The following DPP10 variants were observed in gnomAD, a reference collection of about 807,000 sequenced individuals.
The protein encoded by DPP10 is inactive dipeptidyl peptidase 10.
In DPP10, 33 loss-of-function variants were observed where a neutral mutation model predicts 120.9. That is an observed-to-expected ratio of 0.27 (90% CI 0.21 to 0.37). The LOEUF (loss-of-function observed/expected upper bound fraction) is 0.37, where lower values mean the gene tolerates loss of function less well. Ranked by LOEUF, DPP10 falls within the 10% of genes least tolerant of loss-of-function variation. The pLI is 1.00. For missense variants in DPP10, 816 were observed against 942.8 expected, an observed-to-expected ratio of 0.87 and a Z score of 1.76; for synonymous variants, 337 against 326.1, an observed-to-expected ratio of 1.03 and a Z score of -0.36.
intron 1 of DPP10, chr2:115,160,956 T>C (rs1007024215): frequency 6.6e-6 from 1 of 152,140 alleles, no homozygotes; most frequent in Non-Finnish European, 1.5e-5. Flanking sequence ...CTACTTTGAA[T>C]GGGAGAGGGT....
At chr2:115,071,965 A>C (rs1707403826) in intron 1 of DPP10, among the ~76,000 whole-genome samples, 1 of 152,218 alleles carries the variant, frequency 6.6e-6, no homozygotes, top group Non-Finnish European at 1.5e-5. Flanking sequence ...TGAGAACAGC[A>C]AAGAAGAATT....
In DPP10 at chr2:114,845,080, C is replaced by T. The variant is rs147077601; in HGVS notation, c.60+402242C>T. Among the ~76,000 whole-genome samples, 35 of 152,226 alleles carry T rather than the reference C, an allele frequency of 2.3e-4. No individual in the cohort carries two copies. The East Asian group carries it at 5.2e-3, about 23-fold the overall frequency. On this transcript the variant is annotated intron_variant, in intron 1 of 25. Transcript: ENST00000410059. ...CAAGTATGTATGATTCCAACGCTAGCGCCCTTTCCACTGTATCAGGCTGCG... is the reference window on the plus strand; with the variant it reads ...CAAGTATGTATGATTCCAACGCTAGTGCCCTTTCCACTGTATCAGGCTGCG...
At chr2:115,454,394 G>T (rs1287552075) in intron 3 of DPP10, among the ~76,000 whole-genome samples, 1 of 151,608 alleles carries the variant, frequency 6.6e-6, no homozygotes, top group East Asian at 1.9e-4. Flanking sequence ...CTGTGACCAT[G>T]TAGGATATAT....
At position 114,838,615 on chromosome 2, in the gene DPP10, A is replaced by T. The variant is rs188334255; in HGVS notation, c.60+395777A>T. On this transcript the variant is annotated intron_variant, in intron 1 of 25. Transcript: ENST00000410059. ...CCCCGCCCTAATTTTTAAATTTCAA[A>T]TTTTAAATTTTTAAATTTTAAAGTC... Among the ~76,000 whole-genome samples, 470 of 152,262 alleles carry T rather than the reference A, an allele frequency of 3.1e-3. 1 individual carries two copies. The highest frequency in any genetic ancestry group is 3.9e-3 in the Non-Finnish European group (263 of 68,028).
At chr2:114,998,552 G>A (rs1227395794) in intron 1 of DPP10, among the ~76,000 whole-genome samples, 2 of 152,154 alleles carry the variant, frequency 1.3e-5, no homozygotes, top group Non-Finnish European at 2.9e-5. Flanking sequence ...GAGAGGACTG[G>A]ACAGAAGTCT....
At chr2:115,405,402 G>A (rs2068432627) in intron 3 of DPP10, among the ~76,000 whole-genome samples, 1 of 152,174 alleles carries the variant, frequency 6.6e-6, no homozygotes, top group Non-Finnish European at 1.5e-5. Flanking sequence ...ACTTTGCTGG[G>A]TGTAGCCCGT....
At chr2:114,876,445 T>C (rs942597672) in intron 1 of DPP10, among the ~76,000 whole-genome samples, 1 of 152,106 alleles carries the variant, frequency 6.6e-6, no homozygotes, top group Non-Finnish European at 1.5e-5. Context: ...CTCTGTGAAT[T>C]CCAAAAGCTT....
At chr2:115,550,878 T>C (rs1290275344) in intron 5 of DPP10, among the ~76,000 whole-genome samples, 2 of 152,172 alleles carry the variant, frequency 1.3e-5, no homozygotes, top group Non-Finnish European at 2.9e-5. Context: ...AACTCCGTAG[T>C]AGTAATCTGG....
At chr2:115,814,642 A>T in intron 19 of DPP10, 151 bp from the exon 20 acceptor site, 3 of 526,136 alleles carry the variant, frequency 5.7e-6, no homozygotes, top group Non-Finnish European at 3.0e-6. Context: ...GAAAATTGTA[A>T]TTTTACCTTC....
chr2:115,561,417 C>T (rs1258595603), intron 5 of DPP10, among the ~76,000 whole-genome samples: 4 of 145,004 alleles, frequency 2.8e-5, no homozygotes, highest in Admixed American at 6.8e-5. Flanking sequence ...TGACCCATTG[C>T]GGTGTTATCA....
chr2:115,340,171 A>G (rs1412645785), intron 2 of DPP10, among the ~76,000 whole-genome samples: 1 of 152,218 alleles, frequency 6.6e-6, no homozygotes, highest in Admixed American at 6.6e-5. Flanking sequence ...GAAAAAAGTA[A>G]TATGTTTACA....
At chr2:115,159,321 G>T (rs917955428) in intron 1 of DPP10, among the ~76,000 whole-genome samples, 2 of 152,236 alleles carry the variant, frequency 1.3e-5, no homozygotes, top group South Asian at 2.1e-4. Flanking sequence ...AGCTTGGTGT[G>T]GTGGCGCGCG....
intron 1 of DPP10, among the ~76,000 whole-genome samples, chr2:115,139,747 AAAAAAAAT>A (rs1201624534): frequency 6.7e-6 from 1 of 149,838 alleles, no homozygotes; most frequent in African/African-American, 2.5e-5. Flanking sequence ...AAAAAAAAAA[AAAAAAAAT>A]TAAGATACTA....
chr2:115,675,095 C>T (rs2090158440), intron 5 of DPP10, among the ~76,000 whole-genome samples: 1 of 152,130 alleles, frequency 6.6e-6, no homozygotes, highest in Non-Finnish European at 1.5e-5. Flanking sequence ...AATAACCTCC[C>T]ATCTTTTAAA....
chr2:115,586,939 AC>A (rs2082323371), intron 5 of DPP10, among the ~76,000 whole-genome samples: 1 of 152,140 alleles, frequency 6.6e-6, no homozygotes, highest in Non-Finnish European at 1.5e-5. Context: ...GATTTGATAT[AC>A]ATATGTAATG....
intron 1 of DPP10, among the ~76,000 whole-genome samples, chr2:114,990,053 TTCTC>T (rs1370530433): frequency 1.3e-5 from 2 of 152,214 alleles, no homozygotes; most frequent in East Asian, 1.9e-4. Context: ...AACTGTACTT[TTCTC>T]TCTTTCTTTG....
At chr2:115,113,674 C>T (rs546569913) in intron 1 of DPP10, among the ~76,000 whole-genome samples, 1 of 152,258 alleles carries the variant, frequency 6.6e-6, no homozygotes, top group South Asian at 2.1e-4. Context: ...TCTCCACTTC[C>T]TTCATCTATG....
intron 21 of DPP10, 87 bp from the exon 22 acceptor site, chr2:115,836,070 A>C: frequency 1.5e-6 from 1 of 652,952 alleles, no homozygotes; most frequent in Non-Finnish European, 2.2e-6. Context: ...CTCCAGGCAT[A>C]GTTGTTATAT....
intron 5 of DPP10, among the ~76,000 whole-genome samples, chr2:115,670,422 A>G (rs2089778365): frequency 6.8e-6 from 1 of 148,022 alleles, no homozygotes; most frequent in African/African-American, 2.6e-5. Context: ...GAATTCAAAG[A>G]CATACTGGTC....
Sources: allele counts gnomAD v4.1 joint callset (sites outside exome capture counted in the v4.1 genomes callset), GRCh38; gene constraint gnomAD v4.1.1; transcripts MANE v1.5; gene names NCBI Gene and HGNC (gene_info 2026-07-23, HGNC 2026-07-21).